Variants in BPIFB4 observed in about 807,000 individuals in gnomAD.
The protein encoded by BPIFB4 is BPI fold-containing family B member 4.
Under a neutral mutation model 69.2 loss-of-function variants are expected in BPIFB4, and 62 were observed. That is an observed-to-expected ratio of 0.90 (90% CI 0.73 to 1.11). The LOEUF is 1.11. BPIFB4 is among the 50% of genes least tolerant of loss of function. The pLI, the probability that BPIFB4 is intolerant of heterozygous loss-of-function variation, is 0.00. For synonymous variants in BPIFB4, 330 were observed against 332.7 expected (o/e 0.99, Z 0.09); for missense variants, 789 against 792.0 (o/e 1.00, Z 0.04).
intron 12 of BPIFB4, among the ~76,000 whole-genome samples, chr20:33,097,213 C>T (rs142491713): frequency 5.3e-4 from 80 of 152,244 alleles, no homozygotes; most frequent in African/African-American, 1.8e-3. Flanking sequence ...TGGCATTCCC[C>T]TCTGAGGCCC....
At chr20:33,084,767 T>C (rs1981366778) in intron 5 of BPIFB4, 125 bp from the exon 6 acceptor site, 2 of 1,455,304 alleles carry the variant, frequency 1.4e-6, no homozygotes, top group South Asian at 1.4e-5. Context: ...ACTGCAGGTG[T>C]CTAGTGTCTT....
intron 17 of BPIFB4, among the ~76,000 whole-genome samples, chr20:33,109,966 A>T (rs1982189052): frequency 6.6e-6 from 1 of 152,198 alleles, no homozygotes; most frequent in Non-Finnish European, 1.5e-5. Context: ...GGCACACAGA[A>T]AAGTTGCAAA....
chr20:33,092,677 A>G lies in BPIFB4; in HGVS notation c.1344+19A>G. On this transcript the variant is annotated intron_variant, in intron 11 of 17. Transcript: ENST00000375483. ...TGGCATGGTGAGTCACAGCCCCACC[A>G]GGGGGAGGTGGCTGGGCAGCAGACA... 3.8e-6 allele frequency: 6 copies of G among 1,596,054 alleles called. No individual in the cohort carries two copies. Among genetic ancestry groups the G allele is most frequent in the South Asian group, 1.1e-5 (1 of 90,878 alleles).
chr20:33,084,655 A>G (rs1422571012), intron 5 of BPIFB4, among the ~76,000 whole-genome samples: 1 of 152,258 alleles, frequency 6.6e-6, no homozygotes, highest in Non-Finnish European at 1.5e-5. Flanking sequence ...GAAAAGATTC[A>G]AAGGAAATAT....
chr20:33,099,900 A>G (rs987647254), intron 13 of BPIFB4, among the ~76,000 whole-genome samples: 2 of 149,240 alleles, frequency 1.3e-5, no homozygotes, highest in Non-Finnish European at 1.5e-5. Flanking sequence ...GGAAAAAGGG[A>G]TTTTCCTACA....
At chr20:33,092,926 T>G (rs765210854) in intron 11 of BPIFB4, among the ~76,000 whole-genome samples, 2 of 152,236 alleles carry the variant, frequency 1.3e-5, no homozygotes, top group Non-Finnish European at 2.9e-5. Context: ...ATTTCAATTG[T>G]TTTTTAAAAG....
intron 12 of BPIFB4, 25 bp from the exon 13 acceptor site, chr20:33,097,592 C>A: frequency 6.2e-7 from 1 of 1,608,144 alleles, no homozygotes; most frequent in Non-Finnish European, 8.5e-7. Context: ...GGGCCCTGTC[C>A]ATCTGGCCTG....
At chr20:33,080,787 A>T (rs944746642) in intron 2 of BPIFB4, among the ~76,000 whole-genome samples, 1 of 152,120 alleles carries the variant, frequency 6.6e-6, no homozygotes, top group Non-Finnish European at 1.5e-5. Flanking sequence ...AGCTGGGTGG[A>T]TGGATGGTTG....
chr20:33,107,221 A>AGAAG lies in BPIFB4; in HGVS notation c.1745-507_1745-504dup, dbSNP rs71190891. Among the ~76,000 whole-genome samples, 415 of 142,498 alleles carry AGAAG rather than the reference A, an allele frequency of 2.9e-3. 3 individuals are homozygous for AGAAG. The highest frequency in any genetic ancestry group is 8.7e-3 in the African/African-American group (332 of 38,260). 93.5% of individuals were successfully genotyped at this position (142,498 alleles called of 152,430 possible). On this transcript the variant is annotated intron_variant, in intron 16 of 17. Transcript: ENST00000375483. ...TCAGTTAAAAAAAAAAATGAAAGAA[A>AGAAG]GAAGGAAGGAAGGAAGGAAAGAAAA...
chr20:33,101,331 C>A (rs182570053), intron 14 of BPIFB4, among the ~76,000 whole-genome samples: 4 of 152,192 alleles, frequency 2.6e-5, no homozygotes, highest in Admixed American at 2.6e-4. Flanking sequence ...TACAATCATG[C>A]GCTTTGGAGC....
rs1466424298 is a variant in BPIFB4 at position 33,111,457 on chromosome 20, T to C, written c.*20T>C. 4 of 1,613,876 alleles carry C rather than the reference T, an allele frequency of 2.5e-6. No homozygotes were observed. Among genetic ancestry groups the C allele is most frequent in the Non-Finnish European group, 3.4e-6 (4 of 1,179,926 alleles). On this transcript the variant is annotated 3_prime_UTR_variant, in exon 18 of 18. Coordinates refer to ENST00000375483, the MANE Select transcript of BPIFB4 (RefSeq NM_182519.3). The stretch of plus-strand genomic sequence containing the variant: ...GCATGAGTGACAGAGGCAGAGATGC[T>C]GCTGCAACTGGAAGAAGCTGGAACC...
At chr20:33,092,082 T>C (rs993840977) in intron 10 of BPIFB4, among the ~76,000 whole-genome samples, 3 of 152,148 alleles carry the variant, frequency 2.0e-5, no homozygotes, top group Non-Finnish European at 2.9e-5. Flanking sequence ...CAGAGTGGCT[T>C]GGAGGCTGGA....
intron 1 of BPIFB4, 93 bp from the exon 2 acceptor site, chr20:33,080,376 G>A (rs1157313301): frequency 2.6e-5 from 4 of 152,204 alleles, no homozygotes; most frequent in African/African-American, 9.7e-5. Flanking sequence ...GGCACAAAAG[G>A]AGCAAAAGAA....
chr20:33,091,392 C>A (rs1175363255), intron 10 of BPIFB4, among the ~76,000 whole-genome samples: 1 of 152,224 alleles, frequency 6.6e-6, no homozygotes, highest in Non-Finnish European at 1.5e-5. Flanking sequence ...TGTGTGAAAT[C>A]TGACCATGTG....
intron 17 of BPIFB4, among the ~76,000 whole-genome samples, 200 bp downstream of exon 17, chr20:33,108,020 TCA>T (rs1982120720): frequency 6.6e-6 from 1 of 152,154 alleles, no homozygotes; most frequent in African/African-American, 2.4e-5. Context: ...ACTCTCCCAT[TCA>T]GTCTCATTTA....
chr20:33,097,256 A>T (rs1280789844), intron 12 of BPIFB4, among the ~76,000 whole-genome samples: 1 of 152,132 alleles, frequency 6.6e-6, no homozygotes, highest in Non-Finnish European at 1.5e-5. Context: ...AGAAAAAAAA[A>T]TACCCCATGG....
chr20:33,108,318 A>G (rs1982128694), intron 17 of BPIFB4, among the ~76,000 whole-genome samples: 1 of 151,810 alleles, frequency 6.6e-6, no homozygotes, highest in Non-Finnish European at 1.5e-5. Context: ...TGAAGTTCAC[A>G]TGCAGGGGTT....
At chr20:33,082,097 T>C (rs925111198) in intron 3 of BPIFB4, among the ~76,000 whole-genome samples, 1 of 152,210 alleles carries the variant, frequency 6.6e-6, no homozygotes, top group African/African-American at 2.4e-5. Flanking sequence ...GCTATAATTA[T>C]TCTTGCCTCC....
Position 33,100,223 on chromosome 20 carries a change from T to C in BPIFB4, c.1570-203T>C, listed in dbSNP as rs149538957. 5.4e-4 allele frequency among the ~76,000 whole-genome samples: 82 copies of C among 152,172 alleles called. No homozygotes were observed. The East Asian group carries it at 0.014, about 26-fold the overall frequency. On this transcript the variant is annotated intron_variant, in intron 13 of 17. Transcript: ENST00000375483. The stretch of plus-strand genomic sequence containing the variant: ...ATTCCGAACTCCTTCCCTCCAGAGG[T>C]GGTGCAAATCCAGTACATGGTGAGT...
Sources: allele counts gnomAD v4.1 joint callset (sites outside exome capture counted in the v4.1 genomes callset), GRCh38; gene constraint gnomAD v4.1.1; transcripts MANE v1.5; gene names NCBI Gene and HGNC (gene_info 2026-07-23, HGNC 2026-07-21).